The following NR5A1 variants were observed in gnomAD, a reference collection of about 807,000 sequenced individuals.
NR5A1 encodes the protein nuclear receptor subfamily 5 group A member 1.
A neutral mutation model predicts 42.7 loss-of-function variants in NR5A1; 6 were observed. That is an observed-to-expected ratio of 0.14 (90% CI 0.08 to 0.28). NR5A1 has a LOEUF of 0.28. Ranked by LOEUF, NR5A1 falls within the 10% of genes least tolerant of loss-of-function variation. The probability of loss-of-function intolerance (pLI) is 1.00; values close to 1 mark genes in which losing one functional copy is unlikely to be tolerated. For missense variants in NR5A1, 442 were observed against 626.4 expected, an observed-to-expected ratio of 0.71 and a Z score of 3.14; for synonymous variants, 274 against 277.5, an observed-to-expected ratio of 0.99 and a Z score of 0.12.
chr9:124,505,008 C>A (rs1187029421), intron 1 of NR5A1, among the ~76,000 whole-genome samples: 1 of 151,722 alleles, frequency 6.6e-6, no homozygotes, highest in African/African-American at 2.4e-5. Context: ...GGCCGGGGGC[C>A]GGCCCCTCTA....
Position 124,503,470 on chromosome 9 carries a change from G to A in NR5A1, c.-15-60C>T. 1.4e-6 allele frequency: 2 copies of A among 1,408,754 alleles called. No homozygotes were observed. The highest frequency in any genetic ancestry group is 1.9e-6 in the Non-Finnish European group (2 of 1,033,664). 87.3% of individuals were successfully genotyped at this position (1,408,754 alleles called of 1,614,324 possible). On this transcript the variant is annotated intron_variant, in intron 1 of 6. Coordinates refer to ENST00000373588, the MANE Select transcript of NR5A1 (RefSeq NM_004959.5). This position sits in a 1 kb window ranked among gnomAD's most constrained non-coding sequence, Gnocchi z 9.6. ...GAGACCGGCAGCCTGGGGTCCCCGC[G>A]GCCGCCGCCCCAGCCGCTGTCGCCG... is the stretch of plus-strand genomic sequence containing the variant.
intron 6 of NR5A1, 66 bp downstream of exon 6, chr9:124,491,015 T>TCCGCCCCC: frequency 1.6e-6 from 1 of 634,816 alleles, no homozygotes; most frequent in Non-Finnish European, 2.8e-6. Flanking sequence ...CTCTCCAGCC[T>TCCGCCCCC]CACCCACCCT....
At chr9:124,485,172 A>G in intron 6 of NR5A1, among the ~76,000 whole-genome samples, 1 of 152,094 alleles carries the variant, frequency 6.6e-6, no homozygotes, top group East Asian at 1.9e-4. Context: ...GGAGGTGCCC[A>G]GCCTGGGGGC....
Position 124,500,467 on chromosome 9 carries a change from C to G in NR5A1, c.493G>C (p.Gly165Arg), listed in dbSNP as rs535621711. 9.7e-5 allele frequency: 154 copies of G among 1,594,428 alleles called. No homozygotes were observed. The South Asian group carries it at 1.7e-3, about 17-fold the overall frequency. ...GPPAGPLGDFGAPALPMAVPG... is the reference protein window; with the variant it reads ...GPPAGPLGDFRAPALPMAVPG... ...ACGGCCATGGGCAGTGCTGGGGCCC[C>G]AAAGTCGCCCAGTGGCCCAGCAGGT... Residue 165 changes from glycine to arginine, a missense_variant, in exon 4 of 7, where the codon GGG becomes CGG. Physicochemically the swap from Gly to Arg is moderately radical, Grantham distance 125. Coordinates refer to ENST00000373588, the MANE Select transcript of NR5A1 (RefSeq NM_004959.5). The surrounding 1 kb of genome is among the most constrained non-coding windows in gnomAD (Gnocchi z 6.9).
intron 6 of NR5A1, among the ~76,000 whole-genome samples, chr9:124,487,360 T>C (rs540962701): frequency 1.3e-5 from 2 of 152,282 alleles, no homozygotes; most frequent in Admixed American, 1.3e-4. Context: ...GTGGGTAAAT[T>C]GCAAACGCTT....
chr9:124,491,172 C>T lies in NR5A1; in HGVS notation c.1047G>A (p.Leu349=). 6.2e-7 allele frequency: 1 copy of T among 1,609,652 alleles called. No homozygotes were observed. Among genetic ancestry groups the T allele is most frequent in the South Asian group, 1.1e-5 (1 of 90,414 alleles). The part of the protein sequence containing the change: ...QAGSLLHSLV[L]RAQELVLQLL... ...GCTGCAGCACCAGCTCCTGCGCCCGCAACACCAGGCTGTGCAGCAGCGAGC... is the reference window on the plus strand; with the variant it reads ...GCTGCAGCACCAGCTCCTGCGCCCGTAACACCAGGCTGTGCAGCAGCGAGC... The change falls in exon 6 of 7, where the codon TTG becomes TTA. Residue 349 remains leucine (L), a synonymous_variant. Transcript: ENST00000373588.
intron 5 of NR5A1, among the ~76,000 whole-genome samples, chr9:124,492,245 C>A (rs567707630): frequency 1.3e-5 from 2 of 150,072 alleles, no homozygotes; most frequent in Non-Finnish European, 3.0e-5. Context: ...CTGCCTCCCC[C>A]CCTCCCTCTC....
Position 124,484,338 on chromosome 9 carries a change from T to C in NR5A1, c.1139-1333A>G, listed in dbSNP as rs77839713. Among the ~76,000 whole-genome samples, 695 of 152,208 alleles carry C rather than the reference T, an allele frequency of 4.6e-3. 3 individuals are homozygous for C. Among genetic ancestry groups the C allele is most frequent in the African/African-American group, 0.015 (636 of 41,496 alleles). The stretch of plus-strand genomic sequence containing the variant: ...CCGCACCCCAAGGAGTCGTGTGCAA[T>C]AGGCAGAAGTCAGGGAGCCCACACA... On this transcript the variant is annotated intron_variant, in intron 6 of 6. Coordinates refer to ENST00000373588, the MANE Select transcript of NR5A1 (RefSeq NM_004959.5).
At chr9:124,488,262 G>A (rs1189180879) in intron 6 of NR5A1, among the ~76,000 whole-genome samples, 1 of 151,966 alleles carries the variant, frequency 6.6e-6, no homozygotes, top group African/African-American at 2.4e-5. Context: ...ACCCAACCCT[G>A]ATCACACTGA....
At chr9:124,504,583 C>G (rs912532924) in intron 1 of NR5A1, among the ~76,000 whole-genome samples, 20 of 151,902 alleles carry the variant, frequency 1.3e-4, no homozygotes, top group Middle Eastern at 3.4e-3. Context: ...GGAGCGACCT[C>G]GGGCGGAGAG....
At chr9:124,491,327 G>A (rs1832306001) in intron 5 of NR5A1, 99 bp from the exon 6 acceptor site, 9 of 969,542 alleles carry the variant, frequency 9.3e-6, no homozygotes, top group African/African-American at 1.6e-5. Flanking sequence ...ATGGATTGGA[G>A]GTGCAGGTCA....
chr9:124,493,860 T>C (rs1404165012), intron 4 of NR5A1, among the ~76,000 whole-genome samples: 1 of 152,112 alleles, frequency 6.6e-6, no homozygotes, highest in African/African-American at 2.4e-5. Flanking sequence ...CAGCCCCTGT[T>C]TGGAGTGTCC....
At chr9:124,499,077 G>T (rs1832428686) in intron 4 of NR5A1, among the ~76,000 whole-genome samples, 1 of 152,356 alleles carries the variant, frequency 6.6e-6, no homozygotes, top group Non-Finnish European at 1.5e-5. Context: ...GAACAGCCAG[G>T]GGGTCAGCCT....
At position 124,500,216 on chromosome 9, in the gene NR5A1, C is replaced by A; in HGVS notation, c.744G>T (p.Leu248=). Residue 248 remains leucine, a synonymous_variant, in exon 4 of 7, where the codon CTG becomes CTT. Coordinates refer to ENST00000373588, the MANE Select transcript of NR5A1 (RefSeq NM_004959.5). This position sits in a 1 kb window ranked among gnomAD's most constrained non-coding sequence, Gnocchi z 6.9. Reference sequence around the variant, plus strand: ...CGGGGCGGCTTTTGGTGGGCTCCTGCAGGCAGCCCAAGATGCGGGCCCGCA... The same window carrying A: ...CGGGGCGGCTTTTGGTGGGCTCCTGAAGGCAGCCCAAGATGCGGGCCCGCA... ...DQVRARILGC[L]QEPTKSRPDQ... 6.2e-7 allele frequency: 1 copy of A among 1,609,020 alleles called. No individual in the cohort carries two copies. The highest frequency in any genetic ancestry group is 8.5e-7 in the Non-Finnish European group (1 of 1,177,624).
intron 6 of NR5A1, among the ~76,000 whole-genome samples, chr9:124,485,019 T>C (rs975558914): frequency 6.6e-6 from 1 of 152,120 alleles, no homozygotes; most frequent in African/African-American, 2.4e-5. Flanking sequence ...TCCCAGCCGC[T>C]GCTGAGGTGC....
At chr9:124,491,259 G>A (rs1252812999) in intron 5 of NR5A1, 31 bp from the exon 6 acceptor site, 1 of 1,561,286 alleles carries the variant, frequency 6.4e-7, no homozygotes, top group Non-Finnish European at 8.7e-7. Context: ...GCGGGGGACA[G>A]TCAGAGGACG....
chr9:124,495,402 GC>G (rs1832376622), intron 4 of NR5A1, among the ~76,000 whole-genome samples: 1 of 152,200 alleles, frequency 6.6e-6, no homozygotes, highest in African/African-American at 2.4e-5. Flanking sequence ...CCGACATTCT[GC>G]CCACATTACA....
At chr9:124,487,095 G>A (rs1167118628) in intron 6 of NR5A1, among the ~76,000 whole-genome samples, 1 of 152,246 alleles carries the variant, frequency 6.6e-6, no homozygotes. Flanking sequence ...CACTCGCGGA[G>A]GTGGAGGTCG....
rs1426232516 is a variant in NR5A1, at chr9:124,501,868, G to A, written c.245-1153C>T. ...TCAACCACTGCCTGTTCAGCACACA[G>A]TCCAGTGACCGGCCACCTCCAGAAG... On this transcript the variant is annotated intron_variant, in intron 3 of 6. Coordinates refer to ENST00000373588, the MANE Select transcript of NR5A1 (RefSeq NM_004959.5). The surrounding 1 kb of genome is among the most constrained non-coding windows in gnomAD (Gnocchi z 4.1). 6.6e-6 allele frequency among the ~76,000 whole-genome samples: 1 copy of A among 152,190 alleles called. No individual in the cohort carries two copies. Among genetic ancestry groups the A allele is most frequent in the Non-Finnish European group, 1.5e-5 (1 of 68,038 alleles).
Sources: allele counts gnomAD v4.1 joint callset (sites outside exome capture counted in the v4.1 genomes callset), GRCh38; gene constraint gnomAD v4.1.1; non-coding constraint Gnocchi (gnomAD v3.1); transcripts MANE v1.5; gene names NCBI Gene and HGNC (gene_info 2026-07-23, HGNC 2026-07-21).